The following BICDL1 variants were observed in gnomAD, a reference collection of about 807,000 sequenced individuals.
The protein encoded by BICDL1 is BICD family-like cargo adapter 1.
Under a neutral mutation model 76.8 loss-of-function variants are expected in BICDL1, and 20 were observed. The ratio of observed to expected loss-of-function variants is 0.26; its 90% CI spans 0.18 to 0.38. The LOEUF is 0.38. BICDL1 is among the 10% of genes least tolerant of loss of function. The pLI is 1.00. For missense variants in BICDL1, 700 were observed against 798.6 expected (o/e 0.88, Z 1.49); for synonymous variants, 383 against 337.1 (o/e 1.14, Z -1.49).
intron 2 of BICDL1, among the ~76,000 whole-genome samples, chr12:120,045,917 T>TATAATATAATAATA (rs554911553): frequency 1.5e-5 from 2 of 137,634 alleles, no homozygotes; most frequent in African/African-American, 5.5e-5. Flanking sequence ...CTTAAAGTAT[T>TATAATATAATAATA]ATAATAATAA....
chr12:119,990,357 C>T, intron 1 of BICDL1, 60 bp downstream of exon 1: 1 of 1,532,950 alleles, frequency 6.5e-7, no homozygotes, highest in South Asian at 1.2e-5. Flanking sequence ...CGCGCCCGGC[C>T]CTGGGCAGTT....
intron 2 of BICDL1, among the ~76,000 whole-genome samples, chr12:120,004,172 TTTGA>T (rs1357097171): frequency 5.9e-5 from 9 of 152,308 alleles, no homozygotes; most frequent in African/African-American, 2.2e-4. Context: ...TTATTTTTTC[TTTGA>T]TTTATTTAGG....
At chr12:120,022,252 T>C (rs1434933979) in intron 2 of BICDL1, among the ~76,000 whole-genome samples, 1 of 150,376 alleles carries the variant, frequency 6.6e-6, no homozygotes, top group Non-Finnish European at 1.5e-5. Flanking sequence ...CAGAAATATA[T>C]GGGATGGAAA....
intron 2 of BICDL1, among the ~76,000 whole-genome samples, chr12:120,005,802 A>C (rs1218524003): frequency 6.6e-6 from 1 of 152,216 alleles, no homozygotes; most frequent in East Asian, 1.9e-4. Flanking sequence ...ACCACGGCTA[A>C]TGTAACAGCT....
intron 2 of BICDL1, among the ~76,000 whole-genome samples, chr12:120,052,399 A>C (rs1252201851): frequency 2.0e-5 from 3 of 151,062 alleles, no homozygotes; most frequent in Non-Finnish European, 4.4e-5. Flanking sequence ...TTTCTCTTGA[A>C]CTTGATACTT....
At chr12:120,039,387 C>T (rs1952589511) in intron 2 of BICDL1, among the ~76,000 whole-genome samples, 1 of 151,392 alleles carries the variant, frequency 6.6e-6, no homozygotes, top group Non-Finnish European at 1.5e-5. Flanking sequence ...CGCCTGTAAT[C>T]CCAGCACTTT....
intron 2 of BICDL1, among the ~76,000 whole-genome samples, chr12:120,038,412 A>T (rs1240319392): frequency 6.6e-6 from 1 of 152,172 alleles, no homozygotes; most frequent in Non-Finnish European, 1.5e-5. Flanking sequence ...ACCAAACATC[A>T]ATGTGTTCAT....
intron 2 of BICDL1, among the ~76,000 whole-genome samples, chr12:120,009,801 A>G (rs1279982600): frequency 1.3e-5 from 2 of 152,222 alleles, no homozygotes; most frequent in African/African-American, 2.4e-5. Context: ...AAAACAAAAT[A>G]TCTGTATCCA....
Position 120,071,636 on chromosome 12 carries a change from G to A in BICDL1, c.924G>A (p.Gln308=), listed in dbSNP as rs770052348. The change falls in exon 5 of 10, where the codon CAG becomes CAA. Residue 308 remains glutamine (Q), a synonymous_variant. Transcript: ENST00000548673. The surrounding 1 kb of genome is among the most constrained non-coding windows in gnomAD (Gnocchi z 4.8). ...TTCTTTGAAAGCTGCACCAAAGCCA[G>A]CTGGAGCTTCAGGAGGTGCGTCTCT... is the stretch of plus-strand genomic sequence containing the variant. The part of the protein sequence containing the change: ...HDKDLQLHQS[Q]LELQEVRLSC... 1.2e-5 allele frequency: 20 copies of A among 1,607,392 alleles called. No homozygotes were observed. The East Asian group carries it at 3.4e-4, about 27-fold the overall frequency.
intron 3 of BICDL1, among the ~76,000 whole-genome samples, chr12:120,064,186 G>T (rs1953168331): frequency 6.6e-6 from 1 of 152,082 alleles, no homozygotes; most frequent in Non-Finnish European, 1.5e-5. Flanking sequence ...CTGTACCCTG[G>T]GAGCTCTTCC....
intron 8 of BICDL1, among the ~76,000 whole-genome samples, chr12:120,088,177 C>T (rs1408724347): frequency 1.3e-5 from 2 of 152,134 alleles, no homozygotes; most frequent in Non-Finnish European, 2.9e-5. Flanking sequence ...GGTGATCCGC[C>T]CACCTTGGCC....
chr12:120,069,436 C>G (rs934817592), intron 4 of BICDL1, among the ~76,000 whole-genome samples: 8 of 152,198 alleles, frequency 5.3e-5, no homozygotes, highest in African/African-American at 1.4e-4. Context: ...GTCAATATCT[C>G]TCTGGGACAA....
rs1016870058 is a variant in BICDL1 at position 120,092,847 on chromosome 12, C to A, written c.1705-153C>A. Reference sequence around the variant, plus strand: ...GTGCGCCTGGTGTCTTGCCCACGCTCACCGCTTTCTTGGTCAGGGCAGTCC... The same window carrying A: ...GTGCGCCTGGTGTCTTGCCCACGCTAACCGCTTTCTTGGTCAGGGCAGTCC... On this transcript the variant is annotated intron_variant, in intron 9 of 9. Transcript: ENST00000548673. The A allele has an allele frequency of 6.1e-6, 6 of 985,316 alleles. No homozygotes were observed. The African/African-American group carries it at 1.0e-4, about 17-fold the overall frequency. The allele number at this position is 985,316 out of a possible 1,614,324, so 61.0% of individuals were successfully genotyped here.
chr12:120,051,872 G>A (rs746825179), intron 2 of BICDL1, among the ~76,000 whole-genome samples: 12 of 152,046 alleles, frequency 7.9e-5, no homozygotes, highest in Middle Eastern at 3.2e-3. Flanking sequence ...CTTCCATGTT[G>A]CACTTGGTTG....
intron 7 of BICDL1, among the ~76,000 whole-genome samples, chr12:120,076,397 T>G (rs1873552736): frequency 6.6e-6 from 1 of 152,224 alleles, no homozygotes; most frequent in South Asian, 2.1e-4. Context: ...CATAGGGTGC[T>G]TCTGTTCATG....
chr12:120,049,575 G>A (rs887923009), intron 2 of BICDL1, among the ~76,000 whole-genome samples: 22 of 151,990 alleles, frequency 1.4e-4, no homozygotes, highest in African/African-American at 5.3e-4. Context: ...TGTGGATTTC[G>A]TTTTATTTCT....
chr12:120,021,265 CAG>C (rs1489858261), intron 2 of BICDL1, among the ~76,000 whole-genome samples: 15 of 148,750 alleles, frequency 1.0e-4, no homozygotes, highest in Non-Finnish European at 2.2e-4. Context: ...GCCTGGGCGA[CAG>C]AGCAAGACTC....
chr12:120,052,132 C>T (rs1334074755), intron 2 of BICDL1, among the ~76,000 whole-genome samples: 3 of 151,912 alleles, frequency 2.0e-5, no homozygotes, highest in South Asian at 2.1e-4. Context: ...TTAGTAGAGA[C>T]GGGTTTTCAC....
intron 2 of BICDL1, among the ~76,000 whole-genome samples, chr12:120,025,041 C>T (rs967479521): frequency 7.1e-6 from 1 of 140,402 alleles, no homozygotes; most frequent in African/African-American, 2.8e-5. Context: ...TGATATTATA[C>T]TTTCTTTCTT....
Sources: gnomAD v4.1 joint callset for allele counts (sites outside exome capture counted in the v4.1 genomes callset) on GRCh38, gnomAD v4.1.1 for gene constraint, Gnocchi (gnomAD v3.1) non-coding constraint, MANE v1.5 for transcripts, NCBI Gene and HGNC (gene_info 2026-07-23, HGNC 2026-07-21) for gene names.